Variants in CSF2RB observed in about 807,000 individuals in gnomAD.
CSF2RB encodes the protein cytokine receptor common subunit beta.
Under a neutral mutation model 67.2 loss-of-function variants are expected in CSF2RB, and 22 were observed. The ratio of observed to expected loss-of-function variants is 0.33; its 90% CI spans 0.23 to 0.47. CSF2RB has a LOEUF of 0.47. Among genes scored for constraint, CSF2RB ranks in the 20% least tolerant of loss-of-function variants. The pLI is 1.00. For synonymous variants in CSF2RB, 507 were observed against 482.9 expected (o/e 1.05, Z -0.65); for missense variants, 1,113 against 1,174.5 (o/e 0.95, Z 0.76).
intron 1 of CSF2RB, among the ~76,000 whole-genome samples, chr22:36,918,490 G>T (rs2145770220): frequency 6.6e-6 from 1 of 152,292 alleles, no homozygotes; most frequent in South Asian, 2.1e-4. Flanking sequence ...TGAGAACTAG[G>T]CATGGCTTTA....
Position 36,936,408 on chromosome 22 carries a change from G to A in CSF2RB, c.1465-141G>A. 4.2e-6 allele frequency: 3 copies of A among 716,576 alleles called. No individual in the cohort carries two copies. In the South Asian group the frequency reaches 4.5e-5, roughly 11 times the overall value. 44.4% of individuals were successfully genotyped at this position (716,576 alleles called of 1,614,324 possible). ...GGCCTCACTTTGCTGGTGTCAAAAG[G>A]CCGTGGCCAGTCCTGAAGAAGTGGA... On this transcript the variant is annotated intron_variant, in intron 12 of 13. Transcript: ENST00000403662.
chr22:36,932,271 C>T (rs1008869803), intron 8 of CSF2RB, among the ~76,000 whole-genome samples: 3 of 152,074 alleles, frequency 2.0e-5, no homozygotes, highest in Admixed American at 6.6e-5. Context: ...CCCGTCTCCA[C>T]TGAAAATACA....
intron 1 of CSF2RB, among the ~76,000 whole-genome samples, chr22:36,914,417 G>GTC (rs1373692944): frequency 2.0e-5 from 3 of 149,890 alleles, no homozygotes; most frequent in African/African-American, 4.9e-5. Flanking sequence ...CTCTCTCTCA[G>GTC]TCTCTCTCTC....
In CSF2RB at chr22:36,938,799, C is replaced by A. The variant is rs1464889034; in HGVS notation, c.*297C>A. ...AGATATACTCATTCCATCTCCCCCT[C>A]ATTTTTTTAATCAGGTTTCCTTGCT... On this transcript the variant is annotated 3_prime_UTR_variant, in exon 14 of 14. Coordinates refer to ENST00000403662, the MANE Select transcript of CSF2RB (RefSeq NM_000395.3). The A allele has an allele frequency of 1.8e-6, 1 of 545,414 alleles. No homozygotes were observed. The highest frequency in any genetic ancestry group is 3.2e-6 in the Non-Finnish European group (1 of 309,766). The allele number at this position is 545,414 out of a possible 1,614,324, so 33.8% of individuals were successfully genotyped here.
At chr22:36,929,313 ACCC>A (rs1941094199) in intron 4 of CSF2RB, 86 bp from the exon 5 acceptor site, 15 of 1,575,524 alleles carry the variant, frequency 9.5e-6, no homozygotes, top group Non-Finnish European at 1.3e-5. Flanking sequence ...GTGGCCTGGA[ACCC>A]CCTGTGTCCA....
Position 36,938,783 on chromosome 22 carries a change from C to T in CSF2RB, c.*281C>T. 9 of 552,362 alleles carry T rather than the reference C, an allele frequency of 1.6e-5. No individual in the cohort carries two copies. Among genetic ancestry groups the T allele is most frequent in the Non-Finnish European group, 2.9e-5 (9 of 313,428 alleles). The allele number at this position is 552,362 out of a possible 1,614,324, so 34.2% of individuals were successfully genotyped here. ...ATTATTAGAACTTTCTAGATATACT[C>T]ATTCCATCTCCCCCTCATTTTTTTA... On this transcript the variant is annotated 3_prime_UTR_variant, in exon 14 of 14. Transcript: ENST00000403662.
At chr22:36,933,710 C>T (rs1291512631) in intron 9 of CSF2RB, 122 bp from the exon 10 acceptor site, 11 of 1,344,884 alleles carry the variant, frequency 8.2e-6, no homozygotes, top group South Asian at 5.1e-5. Flanking sequence ...AGAGAGAAGC[C>T]GCAGCAGGCC....
chr22:36,923,356 C>G lies in CSF2RB; in HGVS notation c.189C>G (p.Arg63=), dbSNP rs1037349119. The G allele has an allele frequency of 9.3e-6, 15 of 1,613,780 alleles. No individual in the cohort carries two copies. The highest frequency in any genetic ancestry group is 1.3e-5 in the Non-Finnish European group (15 of 1,179,842). Residue 63 remains arginine, a synonymous_variant, in exon 3 of 14, where the codon CGC becomes CGG. Transcript: ENST00000403662. ...AQRLVNVTLI[R]RVNEDLLEPV... ...GGCTCGTCAACGTGACCCTCATTCGCCGGGTGAATGAGTGAGTGATGCTGG... is the reference window on the plus strand; with the variant it reads ...GGCTCGTCAACGTGACCCTCATTCGGCGGGTGAATGAGTGAGTGATGCTGG...
chr22:36,934,596 T>C (rs1230821748), intron 10 of CSF2RB, among the ~76,000 whole-genome samples: 1 of 151,874 alleles, frequency 6.6e-6, no homozygotes, highest in Non-Finnish European at 1.5e-5. Context: ...ACTGGGTCCT[T>C]GGATTGGAAG....
At chr22:36,935,776 G>A in intron 12 of CSF2RB, 89 bp downstream of exon 12, 2 of 1,417,394 alleles carry the variant, frequency 1.4e-6, no homozygotes, top group Non-Finnish European at 2.0e-6. Context: ...CCTTCCTGTG[G>A]GCTTTGGGTG....
intron 13 of CSF2RB, 57 bp downstream of exon 13, chr22:36,936,709 C>T (rs1441037282): frequency 6.8e-7 from 1 of 1,466,620 alleles, no homozygotes; most frequent in Non-Finnish European, 9.4e-7. Context: ...GGGCTGACTC[C>T]ATTGTGGAAA....
At chr22:36,915,350 G>C (rs1279802569) in intron 1 of CSF2RB, among the ~76,000 whole-genome samples, 1 of 151,952 alleles carries the variant, frequency 6.6e-6, no homozygotes, top group Non-Finnish European at 1.5e-5. Flanking sequence ...CTCCCAAAAT[G>C]CTGGGATTAC....
chr22:36,922,409 TC>T, intron 2 of CSF2RB, 126 bp downstream of exon 2: 1 of 850,758 alleles, frequency 1.2e-6, no homozygotes, highest in Non-Finnish European at 1.9e-6. Flanking sequence ...CCTCTGTCTC[TC>T]CCCCTGGCCT....
In CSF2RB at chr22:36,938,464, C is replaced by A; in HGVS notation, c.2656C>A (p.Pro886Thr). The change falls in exon 14 of 14, where the codon CCC (proline) becomes ACC (threonine). Residue 886 changes from proline (P) to threonine (T), a missense_variant. Physicochemically the swap from Pro to Thr is conservative, Grantham distance 38 (BLOSUM62 -1). Around this residue, in one of 2 missense-constraint regions of CSF2RB, gnomAD observed 554 missense variants for 517.9 expected, o/e 1.07. Transcript: ENST00000403662. ...GAAGCAGCAGGACTACCTGTCTCTG[C>A]CCCCTTGGGAGGTCAACAAGCCTGG... is the stretch of plus-strand genomic sequence containing the variant. ...ALKQQDYLSL[P>T]PWEVNKPGEV... 6.2e-7 allele frequency: 1 copy of A among 1,614,028 alleles called. No homozygotes were observed. Among genetic ancestry groups the A allele is most frequent in the Non-Finnish European group, 8.5e-7 (1 of 1,179,972 alleles).
intron 8 of CSF2RB, 88 bp downstream of exon 8, chr22:36,930,918 G>A: frequency 1.3e-6 from 2 of 1,487,168 alleles, no homozygotes; most frequent in Non-Finnish European, 1.9e-6. Flanking sequence ...GTTCCTCCTG[G>A]CCCCGTCTTC....
At position 36,932,457 on chromosome 22, in the gene CSF2RB, G is replaced by A. The variant is rs562159155; in HGVS notation, c.1013-308G>A. ...CTCAAAAAAAAAAAAAAAAAAAATA[G>A]CCAGTTGCCTAGAATAGAACCAACT... On this transcript the variant is annotated intron_variant, in intron 8 of 13. Coordinates refer to ENST00000403662, the MANE Select transcript of CSF2RB (RefSeq NM_000395.3). Among the ~76,000 whole-genome samples, 3,249 of 144,060 alleles carry A rather than the reference G, an allele frequency of 0.023. 39 individuals carry two copies. Among genetic ancestry groups the A allele is most frequent in the Middle Eastern group, 0.043 (12 of 276 alleles). 94.5% of individuals were successfully genotyped at this position (144,060 alleles called of 152,430 possible).
chr22:36,918,811 A>G (rs1434553782), intron 1 of CSF2RB, among the ~76,000 whole-genome samples: 1 of 152,252 alleles, frequency 6.6e-6, no homozygotes, highest in Non-Finnish European at 1.5e-5. Context: ...TGGTTGCTCC[A>G]GAGTGAGAGT....
At chr22:36,933,087 G>A (rs1941189636) in intron 9 of CSF2RB, among the ~76,000 whole-genome samples, 183 bp downstream of exon 9, 1 of 152,258 alleles carries the variant, frequency 6.6e-6, no homozygotes, top group Non-Finnish European at 1.5e-5. Context: ...TCTTGGTGAA[G>A]TAACTGAGGT....
intron 10 of CSF2RB, among the ~76,000 whole-genome samples, chr22:36,934,307 C>T (rs997340212): frequency 6.6e-6 from 1 of 152,132 alleles, no homozygotes; most frequent in Non-Finnish European, 1.5e-5. Context: ...TGGGTGGGCA[C>T]AGAGATGTGG....
Sources: allele counts gnomAD v4.1 joint callset (sites outside exome capture counted in the v4.1 genomes callset), GRCh38; gene constraint gnomAD v4.1.1; regional missense constraint gnomAD v4.1.1; transcripts MANE v1.5; gene names NCBI Gene and HGNC (gene_info 2026-07-23, HGNC 2026-07-21).